ALDH7A1: variants seen among roughly 807,000 people sequenced by gnomAD.
The protein encoded by ALDH7A1 is aldehyde dehydrogenase 7 family member A1.
Under a neutral mutation model 79.9 loss-of-function variants are expected in ALDH7A1, and 63 were observed. That is an observed-to-expected ratio of 0.79 (90% confidence interval 0.64 to 0.97). The LOEUF is 0.97. ALDH7A1 is among the 50% of genes least tolerant of loss of function. The pLI is 0.00. For missense variants in ALDH7A1, 627 were observed against 665.2 expected (o/e 0.94, Z 0.63); for synonymous variants, 240 against 231.2 (o/e 1.04, Z -0.34).
chr5:126,545,238 C>T (rs951576885), intron 17 of ALDH7A1, among the ~76,000 whole-genome samples: 3 of 151,900 alleles, frequency 2.0e-5, no homozygotes, highest in African/African-American at 7.3e-5. Context: ...AAAGACATAC[C>T]ATACATGGTT....
chr5:126,594,861 A>G (rs1473699302), intron 1 of ALDH7A1, 146 bp downstream of exon 1: 3 of 1,104,082 alleles, frequency 2.7e-6, no homozygotes, highest in Non-Finnish European at 4.0e-6. Context: ...AAGGCACCCT[A>G]CACGAGAAAA....
intron 3 of ALDH7A1, among the ~76,000 whole-genome samples, chr5:126,590,727 A>T (rs897646165): frequency 6.6e-6 from 1 of 151,330 alleles, no homozygotes; most frequent in African/African-American, 2.4e-5. Context: ...TCTACAAAAA[A>T]TACAAAAAAA....
At chr5:126,549,805 G>A (rs947320452) in intron 16 of ALDH7A1, 124 bp downstream of exon 16, 17 of 919,186 alleles carry the variant, frequency 1.8e-5, no homozygotes, top group Non-Finnish European at 2.9e-5. Context: ...AGATATGTTA[G>A]ATCACATAAG....
chr5:126,590,828 T>C (rs542893137), intron 3 of ALDH7A1, among the ~76,000 whole-genome samples: 1 of 148,356 alleles, frequency 6.7e-6, no homozygotes, highest in African/African-American at 2.5e-5. Flanking sequence ...GAGGTTACAG[T>C]GAGCCAAGAT....
intron 5 of ALDH7A1, among the ~76,000 whole-genome samples, chr5:126,582,427 G>C (rs1373430350): frequency 6.6e-6 from 1 of 152,132 alleles, no homozygotes; most frequent in Non-Finnish European, 1.5e-5. Flanking sequence ...ACCAAAATTG[G>C]CTTAGATTTT....
chr5:126,581,977 CA>C (rs370543985), intron 5 of ALDH7A1: 27,602 of 300,178 alleles, frequency 0.092, no homozygotes, highest in East Asian at 0.15. Context: ...GACTCCATCT[CA>C]AAAAAAAAAA....
chr5:126,544,578 C>T lies in ALDH7A1; in HGVS notation c.*387G>A, dbSNP rs1207421094. 2 of 258,546 alleles carry T rather than the reference C, an allele frequency of 7.7e-6. No individual in the cohort carries two copies. Among genetic ancestry groups the T allele is most frequent in the Non-Finnish European group, 1.5e-5 (2 of 132,752 alleles). The allele number at this position is 258,546 out of a possible 1,614,324, so 16.0% of individuals were successfully genotyped here. A position where few individuals can be genotyped will look rare whatever the true frequency, so the allele number is the denominator to read the frequency against. ...TCACCCCCCGCCCCTGAATCCTTCA[C>T]TTGGTCAGGAGACACCCTGTATCTA... On this transcript the variant is annotated 3_prime_UTR_variant, in exon 18 of 18. Transcript: ENST00000409134.
chr5:126,558,777 C>T (rs974339969), intron 11 of ALDH7A1, among the ~76,000 whole-genome samples: 13 of 152,226 alleles, frequency 8.5e-5, no homozygotes, highest in African/African-American at 3.1e-4. Flanking sequence ...ACTCCTGCCT[C>T]AGCCTCCCAA....
Position 126,595,012 on chromosome 5 carries a change from C to T in ALDH7A1, c.187G>A (p.Gly63Arg), listed in dbSNP as rs760636660. 5 of 1,600,814 alleles carry T rather than the reference C, an allele frequency of 3.1e-6. No individual in the cohort carries two copies. The highest frequency in any genetic ancestry group is 4.5e-5 in the East Asian group (2 of 44,194). ...TTTCTTGAGCGCCCGCGTACCTCTC[C>T]CCGGCCTCCCCAGCTTCCATTATAC... ...GVYNGSWGGR[G>R]EVITTYCPAN... Residue 63 changes from glycine to arginine, a missense_variant, in exon 1 of 18, where the codon GGA (glycine) becomes AGA (arginine). Transcript: ENST00000409134.
chr5:126,566,258 T>C (rs558702815), intron 9 of ALDH7A1, among the ~76,000 whole-genome samples: 1 of 152,332 alleles, frequency 6.6e-6, no homozygotes, highest in Admixed American at 6.5e-5. Flanking sequence ...TTTATTTTGA[T>C]GATGATTTGT....
chr5:126,571,149 G>GT, intron 7 of ALDH7A1: 3 of 198,732 alleles, frequency 1.5e-5, no homozygotes, highest in Non-Finnish European at 2.8e-5. Flanking sequence ...ACTATTAGCA[G>GT]ATTTTTTTTT....
chr5:126,547,631 C>T (rs1457995807), intron 16 of ALDH7A1, among the ~76,000 whole-genome samples: 1 of 152,214 alleles, frequency 6.6e-6, no homozygotes, highest in Non-Finnish European at 1.5e-5. Context: ...TGCTCCTGGA[C>T]AGAAACCTCT....
intron 7 of ALDH7A1, among the ~76,000 whole-genome samples, chr5:126,574,023 C>CAA (rs34601459): frequency 0.15 from 8,734 of 56,606 alleles, 1,029 homozygotes; most frequent in African/African-American, 0.29. Flanking sequence ...AAGACTGTCT[C>CAA]AAAAAAAAAA....
At chr5:126,572,817 T>G (rs1203320361) in intron 7 of ALDH7A1, among the ~76,000 whole-genome samples, 2 of 152,168 alleles carry the variant, frequency 1.3e-5, no homozygotes, top group Non-Finnish European at 2.9e-5. Flanking sequence ...ACAAGAACAC[T>G]GATTAAAGAG....
intron 12 of ALDH7A1, 109 bp downstream of exon 12, chr5:126,555,822 C>T: frequency 2.3e-6 from 2 of 879,074 alleles, no homozygotes; most frequent in East Asian, 5.5e-5. Flanking sequence ...CTTCATGTGC[C>T]TTCACGCCTC....
intron 9 of ALDH7A1, chr5:126,567,884 G>T (rs1348729699): frequency 6.8e-6 from 2 of 292,014 alleles, no homozygotes; most frequent in Non-Finnish European, 1.3e-5. Flanking sequence ...CCCGGGTTCA[G>T]ACCATTCTCT....
chr5:126,559,531 G>A (rs928661039), intron 10 of ALDH7A1, among the ~76,000 whole-genome samples, 197 bp from the exon 11 acceptor site: 5 of 151,034 alleles, frequency 3.3e-5, no homozygotes, highest in Non-Finnish European at 7.4e-5. Flanking sequence ...TGCCTCCCGG[G>A]TTCAAGAGAT....
In ALDH7A1 at chr5:126,549,937, C is replaced by A. The variant is rs763418390; in HGVS notation, c.1481G>T (p.Gly494Val). 1.5e-5 allele frequency: 25 copies of A among 1,614,026 alleles called. No homozygotes were observed. The highest frequency in any genetic ancestry group is 2.1e-5 in the Non-Finnish European group (25 of 1,179,988). The change falls in exon 16 of 18, where the codon GGT becomes GTT. Residue 494 changes from glycine (G) to valine (V), a missense_variant. Transcript: ENST00000409134. The stretch of plus-strand genomic sequence containing the variant: ...AATGATTCTCTACGTACCAAAGGCA[C>A]CTCCAATCTCAGCCCCACTTGTTGG... ...NIPTSGAEIG[G>V]AFGGEKHTGG... is the part of the protein sequence containing the mutation.
chr5:126,545,064 A>G, intron 17 of ALDH7A1, 45 bp from the exon 18 acceptor site: 1 of 1,430,164 alleles, frequency 7.0e-7, no homozygotes, highest in Non-Finnish European at 9.9e-7. Flanking sequence ...CATACATAAC[A>G]GAAGATTTTC....
Sources: allele counts gnomAD v4.1 joint callset (sites outside exome capture counted in the v4.1 genomes callset), GRCh38; gene constraint gnomAD v4.1.1; transcripts MANE v1.5; gene names NCBI Gene and HGNC (gene_info 2026-07-23, HGNC 2026-07-21).